Variants in ADAM22 observed in about 807,000 individuals in gnomAD.
ADAM22 encodes the protein disintegrin and metalloproteinase domain-containing protein 22.
In ADAM22, 65 loss-of-function variants were observed where a neutral mutation model predicts 144.6. The ratio of observed to expected loss-of-function variants is 0.45; its 90% CI spans 0.37 to 0.55. The LOEUF (loss-of-function observed/expected upper bound fraction) is 0.55. Ranked by LOEUF, ADAM22 falls within the 20% of genes least tolerant of loss-of-function variation. The pLI, the probability that ADAM22 is intolerant of heterozygous loss-of-function variation, is 0.00. For synonymous variants in ADAM22, 391 were observed against 412.6 expected (o/e 0.95, Z 0.63); for missense variants, 974 against 1,184.9 (o/e 0.82, Z 2.61).
chr7:88,028,759 CCTT>C (rs1183581880), intron 3 of ADAM22, among the ~76,000 whole-genome samples: 1 of 151,692 alleles, frequency 6.6e-6, no homozygotes, highest in African/African-American at 2.4e-5. Flanking sequence ...TATATAATGA[CCTT>C]CTTTGTCTCT....
At chr7:88,130,132 T>A (rs200030610) in intron 9 of ADAM22, among the ~76,000 whole-genome samples, 1 of 59,146 alleles carries the variant, frequency 1.7e-5, no homozygotes, top group Admixed American at 3.1e-4. Context: ...GGATTGGGTA[T>A]TTTTTACTTC....
chr7:88,058,762 G>A (rs186903211), intron 3 of ADAM22, among the ~76,000 whole-genome samples: 1 of 152,218 alleles, frequency 6.6e-6, no homozygotes, highest in East Asian at 1.9e-4. Context: ...AAAAAAGCAG[G>A]CCTGAAAAGC....
intron 13 of ADAM22, among the ~76,000 whole-genome samples, chr7:88,134,941 G>C (rs1356596192): frequency 6.6e-6 from 1 of 151,946 alleles, no homozygotes; most frequent in East Asian, 1.9e-4. Context: ...CAAATACTAT[G>C]TATTTACCTT....
intron 3 of ADAM22, among the ~76,000 whole-genome samples, chr7:87,982,068 T>TACACACACAC (rs1175758724): frequency 1.6e-3 from 151 of 93,718 alleles, no homozygotes; most frequent in African/African-American, 5.2e-3. Context: ...TATATATATA[T>TACACACACAC]ACACACACAC....
chr7:88,014,035 C>G (rs1796028168), intron 3 of ADAM22, among the ~76,000 whole-genome samples: 1 of 152,034 alleles, frequency 6.6e-6, no homozygotes, highest in South Asian at 2.1e-4. Flanking sequence ...TCTATGAAAT[C>G]ATAGGTTTGA....
intron 14 of ADAM22, among the ~76,000 whole-genome samples, chr7:88,136,707 G>A (rs1005188314): frequency 2.6e-5 from 4 of 151,618 alleles, no homozygotes; most frequent in Admixed American, 6.6e-5. Flanking sequence ...CAAATACTGA[G>A]TATAAATTCG....
intron 2 of ADAM22, among the ~76,000 whole-genome samples, chr7:87,940,488 T>C (rs1208240035): frequency 2.0e-5 from 3 of 152,236 alleles, no homozygotes; most frequent in Non-Finnish European, 2.9e-5. Flanking sequence ...GAAATTTTCA[T>C]TGTAGTTCTT....
chr7:88,190,264 G>A (rs1473954801), intron 30 of ADAM22, among the ~76,000 whole-genome samples: 3 of 152,118 alleles, frequency 2.0e-5, no homozygotes, highest in African/African-American at 7.2e-5. Flanking sequence ...GCTGGGTGGG[G>A]TGCCTCATGC....
intron 3 of ADAM22, among the ~76,000 whole-genome samples, chr7:87,982,287 T>C (rs1021880914): frequency 1.3e-5 from 2 of 151,990 alleles, no homozygotes; most frequent in Non-Finnish European, 2.9e-5. Context: ...GTGCCATTTA[T>C]AGAGAGTGTC....
intron 4 of ADAM22, among the ~76,000 whole-genome samples, chr7:88,086,730 G>A (rs1054771192): frequency 1.2e-4 from 19 of 152,170 alleles, no homozygotes; most frequent in South Asian, 2.1e-4. Context: ...GAGAACCATC[G>A]TTCTGGATTC....
intron 3 of ADAM22, among the ~76,000 whole-genome samples, chr7:87,983,717 T>G (rs897013413): frequency 1.3e-5 from 2 of 152,100 alleles, no homozygotes; most frequent in Admixed American, 6.6e-5. Context: ...TCTTTTTTTT[T>G]GTAATAAAAA....
intron 25 of ADAM22, among the ~76,000 whole-genome samples, chr7:88,168,966 T>C (rs976532134): frequency 2.0e-5 from 3 of 152,156 alleles, no homozygotes; most frequent in Admixed American, 6.6e-5. Flanking sequence ...ATTTTAGACA[T>C]TTACCCCATG....
At chr7:88,162,020 G>A (rs552856016) in intron 22 of ADAM22, among the ~76,000 whole-genome samples, 128 of 151,314 alleles carry the variant, frequency 8.5e-4, no homozygotes, top group African/African-American at 2.8e-3. Context: ...GTTCATTGCA[G>A]CACTGTTCAC....
chr7:88,053,515 A>G (rs1807095661), intron 3 of ADAM22, among the ~76,000 whole-genome samples: 1 of 151,408 alleles, frequency 6.6e-6, no homozygotes, highest in Admixed American at 6.6e-5. Context: ...GGAAATGCTC[A>G]GAGGCATTCT....
Position 87,934,332 on chromosome 7 carries a change from G to T in ADAM22, c.-134G>T, listed in dbSNP as rs1840646231. The T allele has an allele frequency of 6.8e-6, 5 of 736,332 alleles. No individual in the cohort carries two copies. The highest frequency in any genetic ancestry group is 1.0e-5 in the Non-Finnish European group (5 of 479,756). The allele number at this position is 736,332 out of a possible 1,614,324, so 45.6% of individuals were successfully genotyped here. On this transcript the variant is annotated 5_prime_UTR_variant, in exon 1 of 32. Coordinates refer to ENST00000413139, the MANE Select transcript of ADAM22 (RefSeq NM_001324418.2). Reference sequence around the variant, plus strand: ...CCGCGGTGGAGGTTGCAGCGCCACGGCCGCCGCAGCACCGGCCGGGGCTGG... The same window carrying T: ...CCGCGGTGGAGGTTGCAGCGCCACGTCCGCCGCAGCACCGGCCGGGGCTGG...
At chr7:88,113,695 A>T (rs1225137380) in intron 5 of ADAM22, among the ~76,000 whole-genome samples, 35 of 52,248 alleles carry the variant, frequency 6.7e-4, no homozygotes, top group African/African-American at 3.0e-3. Context: ...ATTATAAATA[A>T]ATAAATAAAT....
At chr7:88,119,390 C>A (rs879206742) in intron 7 of ADAM22, among the ~76,000 whole-genome samples, 4 of 152,178 alleles carry the variant, frequency 2.6e-5, no homozygotes, top group Admixed American at 2.6e-4. Flanking sequence ...CTATGTGCAG[C>A]TTCTTTTGTT....
intron 3 of ADAM22, among the ~76,000 whole-genome samples, chr7:87,997,473 C>T (rs1791506782): frequency 6.6e-6 from 1 of 152,242 alleles, no homozygotes; most frequent in Admixed American, 6.5e-5. Context: ...TCTCACAGGC[C>T]TAAGTCATCT....
intron 3 of ADAM22, among the ~76,000 whole-genome samples, chr7:88,059,995 A>G (rs2129476411): frequency 6.6e-6 from 1 of 152,266 alleles, no homozygotes; most frequent in South Asian, 2.1e-4. Context: ...CATGCACCCC[A>G]TGAATCTAAA....
Sources: allele counts gnomAD v4.1 joint callset (sites outside exome capture counted in the v4.1 genomes callset), GRCh38; gene constraint gnomAD v4.1.1; transcripts MANE v1.5; gene names NCBI Gene and HGNC (gene_info 2026-07-23, HGNC 2026-07-21).